LIFR: variants seen among roughly 807,000 people sequenced by gnomAD.
The protein encoded by LIFR is leukemia inhibitory factor receptor.
LIFR carries 84 observed loss-of-function variants against 122.2 expected under a neutral mutation model. That is an observed-to-expected ratio of 0.69 (90% CI 0.58 to 0.82). The LOEUF is 0.82. Ranked by LOEUF, LIFR falls within the 40% of genes least tolerant of loss-of-function variation. The pLI, the probability that LIFR is intolerant of heterozygous loss-of-function variation, is 0.00. For synonymous variants in LIFR, 422 were observed against 434.7 expected (o/e 0.97, Z 0.36); for missense variants, 1,294 against 1,311.6 (o/e 0.99, Z 0.21).
At chr5:38,568,734 G>C (rs1749110884) in intron 1 of LIFR, among the ~76,000 whole-genome samples, 1 of 152,160 alleles carries the variant, frequency 6.6e-6, no homozygotes, top group East Asian at 1.9e-4. Context: ...TGGGGGTTTT[G>C]TTTTTATAAT....
rs1478133629 is a variant in LIFR, at chr5:38,493,533, T to C, written c.2065+73A>G. 2.1e-6 allele frequency: 3 copies of C among 1,399,832 alleles called. No homozygotes were observed. In the African/African-American group the frequency reaches 4.2e-5, roughly 20 times the overall value. The allele number at this position is 1,399,832 out of a possible 1,614,324, so 86.7% of individuals were successfully genotyped here. On this transcript the variant is annotated intron_variant, in intron 14 of 19. Coordinates refer to ENST00000453190, the MANE Select transcript of LIFR (RefSeq NM_001127671.2). The stretch of plus-strand genomic sequence containing the variant: ...CCAGCAGTAAAGAGAATCACTTCAC[T>C]GCACCCAGTCTTACGTGTTGCCTTT...
upstream of LIFR, among the ~76,000 whole-genome samples, chr5:38,599,333 A>G (rs1750181163): frequency 6.6e-6 from 1 of 152,184 alleles, no homozygotes; most frequent in South Asian, 2.1e-4. Context: ...CCCAAACTGG[A>G]CTTTCTGGCA....
intron 1 of LIFR, among the ~76,000 whole-genome samples, chr5:38,534,147 C>T (rs964467055): frequency 3.3e-5 from 5 of 152,186 alleles, no homozygotes; most frequent in Non-Finnish European, 7.3e-5. Context: ...CCTTTCTTTA[C>T]TGTTTCCTAG....
At chr5:38,545,350 A>ATG (rs112421759) in intron 1 of LIFR, among the ~76,000 whole-genome samples, 5,889 of 151,496 alleles carry the variant, frequency 0.039, 361 homozygotes, top group African/African-American at 0.13. Context: ...ACATAAATAT[A>ATG]TGTGTGTGTG....
In LIFR at chr5:38,527,163, T is replaced by G. The variant is rs775968148; in HGVS notation, c.389A>C (p.Gln130Pro). ...TGTTTTCAAATACTTACAAACGTTTTGTTCATTTAGTGTGAATTTACTTGT... is the reference window on the plus strand; with the variant it reads ...TGTTTTCAAATACTTACAAACGTTTGGTTCATTTAGTGTGAATTTACTTGT... ...SSTSKFTLNEQNVSLIPDTPE... is the reference protein window; with the variant it reads ...SSTSKFTLNEPNVSLIPDTPE... Residue 130 changes from glutamine (Q) to proline (P), a missense_variant, in exon 4 of 20, where the codon CAA becomes CCA. By Grantham distance (76) the Gln-to-Pro change is moderately conservative. Transcript: ENST00000453190. The G allele has an allele frequency of 6.3e-7, 1 of 1,593,596 alleles. No homozygotes were observed. The highest frequency in any genetic ancestry group is 1.1e-5 in the South Asian group (1 of 89,828).
intron 16 of LIFR, among the ~76,000 whole-genome samples, chr5:38,487,967 T>C (rs898598454): frequency 6.6e-6 from 1 of 152,246 alleles, no homozygotes; most frequent in African/African-American, 2.4e-5. Flanking sequence ...ACCCACAAAT[T>C]TCTGAATCTT....
rs1366666774 is a variant in LIFR, at chr5:38,481,079, T to C, written c.*516A>G. 4.3e-6 allele frequency: 1 copy of C among 230,620 alleles called. No homozygotes were observed. Among genetic ancestry groups the C allele is most frequent in the East Asian group, 6.5e-5 (1 of 15,442 alleles). 14.3% of individuals were successfully genotyped at this position (230,620 alleles called of 1,614,324 possible). ...TAAAAATTATATTAATTTTTGTGAATGCTGTGGATAGAGGAGAATAATCTT... is the reference window on the plus strand; with the variant it reads ...TAAAAATTATATTAATTTTTGTGAACGCTGTGGATAGAGGAGAATAATCTT... On this transcript the variant is annotated 3_prime_UTR_variant, in exon 20 of 20. Coordinates refer to ENST00000453190, the MANE Select transcript of LIFR (RefSeq NM_001127671.2).
At chr5:38,487,822 G>T (rs1404904968) in intron 16 of LIFR, among the ~76,000 whole-genome samples, 1 of 152,150 alleles carries the variant, frequency 6.6e-6, no homozygotes, top group Admixed American at 6.5e-5. Context: ...CCTCCGTTCA[G>T]ACCAGATTGA....
intron 1 of LIFR, among the ~76,000 whole-genome samples, chr5:38,547,221 T>C (rs1026760033): frequency 5.9e-5 from 9 of 152,160 alleles, no homozygotes; most frequent in Non-Finnish European, 1.0e-4. Flanking sequence ...TGTGACGAGA[T>C]AGATAGAATA....
chr5:38,598,985 A>T (rs1184789892), upstream of LIFR, among the ~76,000 whole-genome samples: 1 of 152,196 alleles, frequency 6.6e-6, no homozygotes, highest in Non-Finnish European at 1.5e-5. Context: ...CTTGTAGAAA[A>T]GTGCATGGAT....
At chr5:38,580,135 A>G (rs1284035846) in intron 1 of LIFR, among the ~76,000 whole-genome samples, 4 of 152,226 alleles carry the variant, frequency 2.6e-5, no homozygotes, top group Non-Finnish European at 2.9e-5. Context: ...TAATTCTATG[A>G]GAGTCATCAT....
At position 38,493,506 on chromosome 5, in the gene LIFR, A is replaced by G. The variant is rs1035281604; in HGVS notation, c.2065+100T>C. ...AGGAAAGTCAAACCTATTTATACCC[A>G]TCCAGCAGTAAAGAGAATCACTTCA... On this transcript the variant is annotated intron_variant, in intron 14 of 19. Coordinates refer to ENST00000453190, the MANE Select transcript of LIFR (RefSeq NM_001127671.2). 2.0e-5 allele frequency: 23 copies of G among 1,153,114 alleles called. No homozygotes were observed. The Middle Eastern group carries it at 2.4e-3, about 119-fold the overall frequency. The allele number at this position is 1,153,114 out of a possible 1,614,324, so 71.4% of individuals were successfully genotyped here. A position where few individuals can be genotyped will look rare whatever the true frequency, so the allele number is the denominator to read the frequency against.
In LIFR at chr5:38,493,627, T is replaced by C. The variant is rs1744715801; in HGVS notation, c.2044A>G (p.Thr682Ala). ...MDWRKVPSNS[T>A]ETVIESDEFR... ...TTACCAGATTCTATTACAGTTTCAG[T>C]GCTGTTTGAGGGAACTTTTCTCCAG... Residue 682 changes from threonine (T) to alanine (A), a missense_variant, in exon 14 of 20, where the codon ACT becomes GCT. Physicochemically the swap from Thr to Ala is moderately conservative, Grantham distance 58. Coordinates refer to ENST00000453190, the MANE Select transcript of LIFR (RefSeq NM_001127671.2). 1.2e-6 allele frequency: 2 copies of C among 1,614,124 alleles called. No homozygotes were observed. Among genetic ancestry groups the C allele is most frequent in the Non-Finnish European group, 1.7e-6 (2 of 1,179,970 alleles).
intron 12 of LIFR, among the ~76,000 whole-genome samples, chr5:38,497,988 A>C (rs778544338): frequency 2.0e-4 from 30 of 152,164 alleles, no homozygotes; most frequent in Non-Finnish European, 3.8e-4. Context: ...TCTAAAAGTG[A>C]ACTTACTGTA....
chr5:38,530,383 C>CA lies in LIFR; in HGVS notation c.142+122dup. ...CTAAAAGTACATAGAAAAAAGATGA[C>CA]AAAAAAAATGAATTTTAACCAACAA... is the stretch of plus-strand genomic sequence containing the variant. On this transcript the variant is annotated intron_variant, in intron 2 of 19. Transcript: ENST00000453190. 3.8e-6 allele frequency: 3 copies of CA among 791,144 alleles called. No individual in the cohort carries two copies. The Admixed American group carries it at 6.1e-5, about 16-fold the overall frequency. 49.0% of individuals were successfully genotyped at this position (791,144 alleles called of 1,614,324 possible).
intron 1 of LIFR, among the ~76,000 whole-genome samples, chr5:38,578,207 C>CTTTTTTTTTTTTTTTTTT (rs3079294): frequency 8.1e-6 from 1 of 123,456 alleles, no homozygotes; most frequent in Non-Finnish European, 1.6e-5. Flanking sequence ...TTTTCTTTTT[C>CTTTTTTTTTTTTTTTTTT]TTTTTTTTTT....
At chr5:38,497,047 C>T (rs577043224) in intron 12 of LIFR, among the ~76,000 whole-genome samples, 1 of 152,106 alleles carries the variant, frequency 6.6e-6, no homozygotes, top group East Asian at 1.9e-4. Context: ...CCTATAATCC[C>T]AGCACTTTGG....
In LIFR at chr5:38,477,278, A is replaced by G. The variant is rs1293534227; in HGVS notation, c.*4317T>C. On this transcript the variant is annotated 3_prime_UTR_variant, in exon 20 of 20. Coordinates refer to ENST00000453190, the MANE Select transcript of LIFR (RefSeq NM_001127671.2). ...CCAAATTCAAGCCAAGTAATTTCCA[A>G]TGATATTCTAAGGCTAAGTCTAAAA... 4.5e-6 allele frequency: 1 copy of G among 219,984 alleles called. No homozygotes were observed. Among genetic ancestry groups the G allele is most frequent in the Non-Finnish European group, 9.1e-6 (1 of 109,812 alleles). 13.6% of individuals were successfully genotyped at this position (219,984 alleles called of 1,614,324 possible). A position where few individuals can be genotyped will look rare whatever the true frequency, so the allele number is the denominator to read the frequency against.
At chr5:38,560,963 G>A (rs1246602139), upstream of LIFR, among the ~76,000 whole-genome samples, 3 of 152,120 alleles carry the variant, frequency 2.0e-5, no homozygotes, top group African/African-American at 4.8e-5. Flanking sequence ...TACAATGAAA[G>A]ACAAATATTT....
Sources: gnomAD v4.1 joint callset for allele counts (sites outside exome capture counted in the v4.1 genomes callset) on GRCh38, gnomAD v4.1.1 for gene constraint, MANE v1.5 for transcripts, NCBI Gene and HGNC (gene_info 2026-07-23, HGNC 2026-07-21) for gene names.